ZFYVE28: variants seen among roughly 807,000 people sequenced by gnomAD.
ZFYVE28 encodes the protein zinc finger FYVE-type containing 28, also known as lateral signaling target protein 2 homolog.
ZFYVE28 carries 40 observed loss-of-function variants against 82.1 expected under a neutral mutation model. That is an observed-to-expected ratio of 0.49 (90% CI 0.38 to 0.63). The LOEUF (loss-of-function observed/expected upper bound fraction) is 0.63, where lower values mean the gene tolerates loss of function less well. Ranked by LOEUF, ZFYVE28 falls within the 30% of genes least tolerant of loss-of-function variation. ZFYVE28 has a pLI of 0.00. For synonymous variants in ZFYVE28, 612 were observed against 546.1 expected, an observed-to-expected ratio of 1.12 and a Z score of -1.68; for missense variants, 1,321 against 1,242.1, an observed-to-expected ratio of 1.06 and a Z score of -0.96.
chr4:2,280,400 C>G (rs1711800187), intron 8 of ZFYVE28, among the ~76,000 whole-genome samples: 1 of 151,936 alleles, frequency 6.6e-6, no homozygotes, highest in Non-Finnish European at 1.5e-5. Context: ...ACCAGCTACT[C>G]TGGAAGCTGA....
chr4:2,404,970 A>G (rs1731699374), intron 1 of ZFYVE28, among the ~76,000 whole-genome samples: 4 of 151,590 alleles, frequency 2.6e-5, no homozygotes, highest in Admixed American at 2.6e-4. Context: ...GGCTCAAGCA[A>G]TCCGTCCCCC....
chr4:2,312,510 C>G (rs185818029), intron 7 of ZFYVE28, among the ~76,000 whole-genome samples: 1 of 151,996 alleles, frequency 6.6e-6, no homozygotes, highest in East Asian at 1.9e-4. Context: ...AGGTGGATCA[C>G]GAGGTCAGGA....
intron 8 of ZFYVE28, among the ~76,000 whole-genome samples, chr4:2,298,041 GAC>G (rs1167306673): frequency 1.3e-5 from 2 of 149,180 alleles, no homozygotes; most frequent in Admixed American, 6.7e-5. Flanking sequence ...GTGACATGGT[GAC>G]ACAGTGACAC....
chr4:2,310,012 G>T (rs1361051354), intron 7 of ZFYVE28, among the ~76,000 whole-genome samples: 1 of 151,928 alleles, frequency 6.6e-6, no homozygotes, highest in African/African-American at 2.4e-5. Context: ...CATATGTTAA[G>T]CCAGTCTTGC....
At chr4:2,368,670 T>C (rs117176815) in intron 1 of ZFYVE28, among the ~76,000 whole-genome samples, 1 of 152,366 alleles carries the variant, frequency 6.6e-6, no homozygotes, top group East Asian at 1.9e-4. Flanking sequence ...CGGTGCTTCC[T>C]GTGTGCCACT....
In ZFYVE28 at chr4:2,304,611, C is replaced by T. The variant is rs201070288; in HGVS notation, c.1729G>A (p.Val577Met). Reference protein sequence around the residue: ...CGSCGDSREDVVERLREKCSP... With the variant: ...CGSCGDSREDMVERLREKCSP... The stretch of plus-strand genomic sequence containing the variant: ...CACTTCTCCCGCAGACGCTCCACCA[C>T]GTCCTCCCTGCTGTCCCCGCAGCTC... Residue 577 changes from valine to methionine, a missense_variant, in exon 8 of 13, where the codon GTG becomes ATG. Coordinates refer to ENST00000290974, the MANE Select transcript of ZFYVE28 (RefSeq NM_020972.3). 1.1e-3 allele frequency: 1,761 copies of T among 1,612,456 alleles called. 8 individuals carry two copies. The highest frequency in any genetic ancestry group is 6.6e-3 in the South Asian group (601 of 91,050).
intron 8 of ZFYVE28, among the ~76,000 whole-genome samples, chr4:2,282,416 G>C (rs975684395): frequency 6.6e-6 from 1 of 152,182 alleles, no homozygotes; most frequent in Non-Finnish European, 1.5e-5. Flanking sequence ...TGCTCCTCTT[G>C]AACAGCACAC....
chr4:2,391,738 CTCTT>C (rs1223834849), intron 1 of ZFYVE28, among the ~76,000 whole-genome samples: 4 of 139,828 alleles, frequency 2.9e-5, no homozygotes, highest in South Asian at 4.5e-4. Flanking sequence ...AATTCTCTCT[CTCTT>C]TTTTTTTTTT....
Position 2,341,555 on chromosome 4 carries a change from G to A in ZFYVE28, c.241C>T (p.Pro81Ser). 4 of 1,614,094 alleles carry A rather than the reference G, an allele frequency of 2.5e-6. No individual in the cohort carries two copies. Among genetic ancestry groups the A allele is most frequent in the Non-Finnish European group, 3.4e-6 (4 of 1,180,014 alleles). The part of the protein sequence containing the change: ...MDECIPQDRA[P>S]RDFCVKFPEE... ...GGGAACTTGACGCAGAAATCTCTGG[G>A]GGCGCGGTCCTGGGGGATGCACTCA... The change falls in exon 3 of 13, where the codon CCC becomes TCC. Residue 81 changes from proline (P) to serine (S), a missense_variant. By Grantham distance (74) the Pro-to-Ser change is moderately conservative (BLOSUM62 -1). Coordinates refer to ENST00000290974, the MANE Select transcript of ZFYVE28 (RefSeq NM_020972.3). The surrounding 1 kb of genome is among the most constrained non-coding windows in gnomAD (Gnocchi z 4.5).
In ZFYVE28 at chr4:2,305,142, C is replaced by T. The variant is rs776520321; in HGVS notation, c.1198G>A (p.Val400Met). The T allele has an allele frequency of 1.6e-5, 26 of 1,588,778 alleles. No individual in the cohort carries two copies. Among genetic ancestry groups the T allele is most frequent in the Non-Finnish European group, 1.9e-5 (22 of 1,166,000 alleles). Residue 400 changes from valine (V) to methionine (M), a missense_variant, in exon 8 of 13, where the codon GTG becomes ATG. Physicochemically the swap from Val to Met is conservative, Grantham distance 21. Coordinates refer to ENST00000290974, the MANE Select transcript of ZFYVE28 (RefSeq NM_020972.3). ...LRSGSDEEER[V>M]FFMDDVEGTA... ...CCCTCCACGTCATCCATGAAGAACACGCGCTCCTCCTCGTCACTGCCTGAC... is the reference window on the plus strand; with the variant it reads ...CCCTCCACGTCATCCATGAAGAACATGCGCTCCTCCTCGTCACTGCCTGAC...
chr4:2,398,055 G>A lies in ZFYVE28; in HGVS notation c.39+20230C>T, dbSNP rs142418692. ...GATGGGAGGGGGGGTCCTGGCAGACGTCCACATGGAGACAATAAGGAGGCA... is the reference window on the plus strand; with the variant it reads ...GATGGGAGGGGGGGTCCTGGCAGACATCCACATGGAGACAATAAGGAGGCA... On this transcript the variant is annotated intron_variant, in intron 1 of 12. Transcript: ENST00000290974. Among the ~76,000 whole-genome samples, 8 of 151,820 alleles carry A rather than the reference G, an allele frequency of 5.3e-5. No individual in the cohort carries two copies. In the East Asian group the frequency reaches 5.8e-4, roughly 11 times the overall value.
At chr4:2,288,009 C>T (rs193183420) in intron 8 of ZFYVE28, among the ~76,000 whole-genome samples, 3 of 152,276 alleles carry the variant, frequency 2.0e-5, no homozygotes, top group East Asian at 3.9e-4. Flanking sequence ...GTTTTTCACA[C>T]TCCCTCCACC....
chr4:2,291,107 G>A lies in ZFYVE28; in HGVS notation c.2051+13182C>T, dbSNP rs115472013. 5.8e-3 allele frequency among the ~76,000 whole-genome samples: 883 copies of A among 152,318 alleles called. 10 individuals are homozygous for A. Among genetic ancestry groups the A allele is most frequent in the African/African-American group, 0.02 (811 of 41,570 alleles). On this transcript the variant is annotated intron_variant, in intron 8 of 12. Transcript: ENST00000290974. ...CCTTCTCGTCTCGCACCTTGCAGGC[G>A]CTTTTGCTGCTTTAAAAAGCTCTCT...
rs112599188 is a variant in ZFYVE28, at chr4:2,331,253, G to A, written c.701+4452C>T. On this transcript the variant is annotated intron_variant, in intron 6 of 12. Coordinates refer to ENST00000290974, the MANE Select transcript of ZFYVE28 (RefSeq NM_020972.3). ...GCTGTGAGTGCAGACGGGCGAAGCC[G>A]CAGCGAGGCGGGCAGGCAGGTCTGT... Among the ~76,000 whole-genome samples, 866 of 152,160 alleles carry A rather than the reference G, an allele frequency of 5.7e-3. 9 individuals carry two copies. The highest frequency in any genetic ancestry group is 0.02 in the African/African-American group (813 of 41,490).
rs562384470 is a variant in ZFYVE28 at position 2,291,426 on chromosome 4, C to T, written c.2051+12863G>A. Among the ~76,000 whole-genome samples, 15 of 152,302 alleles carry T rather than the reference C, an allele frequency of 9.8e-5. No homozygotes were observed. The South Asian group carries it at 2.7e-3, about 27-fold the overall frequency. On this transcript the variant is annotated intron_variant, in intron 8 of 12. Transcript: ENST00000290974. The stretch of plus-strand genomic sequence containing the variant: ...TTGGGCTCACGGGGAGGCCCCATCC[C>T]CTTCTAGGCTCCCCGAGGAGGGGCC...
At chr4:2,395,102 C>G (rs1018358708) in intron 1 of ZFYVE28, among the ~76,000 whole-genome samples, 1 of 152,158 alleles carries the variant, frequency 6.6e-6, no homozygotes, top group Non-Finnish European at 1.5e-5. Context: ...ATCCTCTCCT[C>G]AGTTTGAATT....
At position 2,353,973 on chromosome 4, in the gene ZFYVE28, TG is replaced by T; in HGVS notation, c.139del (p.Gln47SerfsTer18). ...LDSLDGRKDP[Q>X]RCTLLVSQFR... Reference sequence around the variant, plus strand: ...CTGGCTGACCAGCAGCGTGCACCGCTGGGGGTCCTTCCGCCCATCCAGGCTG... The same window carrying T: ...CTGGCTGACCAGCAGCGTGCACCGCTGGGGTCCTTCCGCCCATCCAGGCTG... On this transcript the variant is annotated frameshift_variant, in exon 2 of 13. Coordinates refer to ENST00000290974, the MANE Select transcript of ZFYVE28 (RefSeq NM_020972.3). LOFTEE classifies it high-confidence loss of function. 6.3e-7 allele frequency: 1 copy of T among 1,583,336 alleles called. No individual in the cohort carries two copies. Among genetic ancestry groups the T allele is most frequent in the Non-Finnish European group, 8.6e-7 (1 of 1,165,024 alleles).
intron 1 of ZFYVE28, among the ~76,000 whole-genome samples, chr4:2,415,453 C>CAT (rs1405219559): frequency 6.8e-6 from 1 of 146,740 alleles, no homozygotes. Flanking sequence ...CCTGTCTCTA[C>CAT]ACACACACAC....
intron 8 of ZFYVE28, chr4:2,286,924 G>A (rs1712834777): frequency 6.6e-6 from 1 of 152,214 alleles, no homozygotes; most frequent in Non-Finnish European, 1.5e-5. Flanking sequence ...ATCTTGAGAT[G>A]AAACCATCCT....
Sources: allele counts gnomAD v4.1 joint callset (sites outside exome capture counted in the v4.1 genomes callset), GRCh38; gene constraint gnomAD v4.1.1; non-coding constraint Gnocchi (gnomAD v3.1); transcripts MANE v1.5; gene names NCBI Gene and HGNC (gene_info 2026-07-23, HGNC 2026-07-21).